The following LRP1B variants were observed in gnomAD, a reference collection of about 807,000 sequenced individuals.
LRP1B encodes LDL receptor related protein 1B, also known as low-density lipoprotein receptor-related protein 1B.
A neutral mutation model predicts 556.6 loss-of-function variants in LRP1B; 217 were observed. That is an observed-to-expected ratio of 0.39 (90% CI 0.35 to 0.44). The LOEUF (loss-of-function observed/expected upper bound fraction) is 0.44. LRP1B is among the 20% of genes least tolerant of loss of function. LRP1B has a pLI of 1.00. For missense variants in LRP1B, 5,053 were observed against 5,620.8 expected, an observed-to-expected ratio of 0.90 and a Z score of 3.23; for synonymous variants, 2,047 against 1,865.8, an observed-to-expected ratio of 1.10 and a Z score of -2.50.
intron 2 of LRP1B, among the ~76,000 whole-genome samples, chr2:141,618,440 A>G (rs1688387219): frequency 6.6e-6 from 1 of 152,208 alleles, no homozygotes; most frequent in Non-Finnish European, 1.5e-5. Context: ...TCTTTCATTT[A>G]TTGAACATTC....
intron 1 of LRP1B, among the ~76,000 whole-genome samples, chr2:142,092,764 C>G (rs1486461371): frequency 6.6e-6 from 1 of 151,952 alleles, no homozygotes; most frequent in Non-Finnish European, 1.5e-5. Flanking sequence ...ATGGTAAAAT[C>G]TGATTAAGTT....
At chr2:141,117,066 G>C (rs763730741) in intron 7 of LRP1B, among the ~76,000 whole-genome samples, 3 of 151,770 alleles carry the variant, frequency 2.0e-5, no homozygotes, top group Non-Finnish European at 4.4e-5. Context: ...TATTAATAAC[G>C]ATTACAAGCA....
At chr2:141,322,329 G>T (rs757968355) in intron 3 of LRP1B, among the ~76,000 whole-genome samples, 1 of 151,984 alleles carries the variant, frequency 6.6e-6, no homozygotes, top group African/African-American at 2.4e-5. Context: ...CCCTGTAAAA[G>T]AATACATTTT....
At chr2:142,043,275 G>A (rs183685831) in intron 1 of LRP1B, among the ~76,000 whole-genome samples, 1 of 151,654 alleles carries the variant, frequency 6.6e-6, no homozygotes, top group Admixed American at 6.6e-5. Context: ...TGGTTGTACT[G>A]TGTTCAAATT....
rs529868288 is a variant in LRP1B at position 140,589,030 on chromosome 2, C to T, written c.7194+9601G>A. Among the ~76,000 whole-genome samples the T allele has an allele frequency of 3.3e-5, 5 of 149,592 alleles. No homozygotes were observed. The East Asian group carries it at 9.7e-4, about 29-fold the overall frequency. ...AGTGGACCTTGACCTAAGTTTCTGA[C>T]CAAATGCAAAAATAAGTTCAAAATG... On this transcript the variant is annotated intron_variant, in intron 43 of 90. Transcript: ENST00000389484.
At chr2:141,934,540 G>C (rs1196610274) in intron 1 of LRP1B, among the ~76,000 whole-genome samples, 1 of 152,026 alleles carries the variant, frequency 6.6e-6, no homozygotes, top group South Asian at 2.1e-4. Flanking sequence ...AAATAATTCA[G>C]ATTACCCATT....
chr2:140,474,632 G>A (rs1477105701), intron 60 of LRP1B, among the ~76,000 whole-genome samples: 6 of 151,832 alleles, frequency 4.0e-5, no homozygotes, highest in Admixed American at 3.3e-4. Flanking sequence ...TTAACTATAC[G>A]TGACATCTTC....
chr2:140,289,230 T>C (rs1050829869), intron 84 of LRP1B, among the ~76,000 whole-genome samples: 93 of 152,154 alleles, frequency 6.1e-4, no homozygotes, highest in African/African-American at 2.2e-3. Context: ...AATAATGGTA[T>C]GCTTCTAAGT....
intron 1 of LRP1B, among the ~76,000 whole-genome samples, chr2:142,028,892 T>G (rs567658747): frequency 1.1e-4 from 16 of 152,114 alleles, no homozygotes; most frequent in Admixed American, 9.8e-4. Context: ...GGTTTTAATT[T>G]GCAGTTTTTT....
intron 43 of LRP1B, among the ~76,000 whole-genome samples, chr2:140,580,710 T>G (rs992872111): frequency 1.4e-4 from 22 of 152,196 alleles, no homozygotes; most frequent in African/African-American, 5.1e-4. Flanking sequence ...ACAGACTGAA[T>G]TATCAAAACC....
intron 31 of LRP1B, among the ~76,000 whole-genome samples, chr2:140,834,675 T>C (rs1691839640): frequency 6.6e-6 from 1 of 152,192 alleles, no homozygotes; most frequent in African/African-American, 2.4e-5. Context: ...TGGTAACACT[T>C]GGAGGAGCCA....
rs1033090385 is a variant in LRP1B, at chr2:141,819,235, TCAAA to T, written c.83-8838_83-8835del. 1.2e-4 allele frequency among the ~76,000 whole-genome samples: 18 copies of T among 151,288 alleles called. 1 individual carries two copies. The East Asian group carries it at 1.4e-3, about 12-fold the overall frequency. Reference sequence around the variant, plus strand: ...CCTAGGCACAGAGTGAGACTCCATCTCAAACAAACAAACAAACAAACAAAAAAAA... The same window carrying T: ...CCTAGGCACAGAGTGAGACTCCATCTCAAACAAACAAACAAACAAAAAAAA... On this transcript the variant is annotated intron_variant, in intron 1 of 90. Coordinates refer to ENST00000389484, the MANE Select transcript of LRP1B (RefSeq NM_018557.3).
intron 1 of LRP1B, among the ~76,000 whole-genome samples, chr2:142,004,538 C>T (rs1036798927): frequency 2.7e-4 from 41 of 151,836 alleles, no homozygotes; most frequent in African/African-American, 9.7e-4. Context: ...ATATATATTT[C>T]TATATTATTT....
chr2:141,350,720 A>G (rs372191185), intron 3 of LRP1B, among the ~76,000 whole-genome samples: 1 of 152,072 alleles, frequency 6.6e-6, no homozygotes, highest in Non-Finnish European at 1.5e-5. Context: ...ATCTTTTTAT[A>G]ACATAAAGCA....
chr2:140,911,611 G>A (rs1273760065), intron 21 of LRP1B, among the ~76,000 whole-genome samples: 2 of 151,616 alleles, frequency 1.3e-5, no homozygotes, highest in African/African-American at 4.8e-5. Flanking sequence ...TGTCACCAAG[G>A]GGCTTATAAT....
intron 1 of LRP1B, among the ~76,000 whole-genome samples, chr2:142,040,619 C>T (rs925375609): frequency 3.4e-5 from 4 of 118,936 alleles, no homozygotes; most frequent in Non-Finnish European, 7.3e-5. Flanking sequence ...AAAAACAGTA[C>T]TGAGGTTTTT....
chr2:140,845,155 C>A (rs527966844), intron 29 of LRP1B, among the ~76,000 whole-genome samples: 2 of 152,222 alleles, frequency 1.3e-5, no homozygotes, highest in African/African-American at 2.4e-5. Flanking sequence ...CAAAAACACA[C>A]AAACACAAAC....
chr2:140,335,849 A>T lies in LRP1B; in HGVS notation c.11893-11T>A. ...TTTAAATTCAGGACACTACAAGGAA[A>T]CAAAACAACACACCACGGTATTTTC... On this transcript the variant is annotated splice_polypyrimidine_tract_variant and intron_variant, in intron 77 of 90. Coordinates refer to ENST00000389484, the MANE Select transcript of LRP1B (RefSeq NM_018557.3). 1 of 1,495,288 alleles carries T rather than the reference A, an allele frequency of 6.7e-7. No homozygotes were observed. Among genetic ancestry groups the T allele is most frequent in the Admixed American group, 1.7e-5 (1 of 59,648 alleles). 92.6% of individuals were successfully genotyped at this position (1,495,288 alleles called of 1,614,324 possible).
In LRP1B at chr2:141,911,733, A is replaced by G. The variant is rs147835702; in HGVS notation, c.83-101332T>C. Among the ~76,000 whole-genome samples, 88 of 152,224 alleles carry G rather than the reference A, an allele frequency of 5.8e-4. 1 individual carries two copies. The highest frequency in any genetic ancestry group is 2.0e-3 in the African/African-American group (83 of 41,534). ...TACATAAGTACACTTTCTGTTGCCA[A>G]TTCCTCTCTCTGGGCATTTTCTTTA... On this transcript the variant is annotated intron_variant, in intron 1 of 90. Transcript: ENST00000389484.
Sources: allele counts gnomAD v4.1 joint callset (sites outside exome capture counted in the v4.1 genomes callset), GRCh38; gene constraint gnomAD v4.1.1; transcripts MANE v1.5; gene names NCBI Gene and HGNC (gene_info 2026-07-23, HGNC 2026-07-21).